Variants in SLC5A10 observed in about 807,000 individuals in gnomAD.
SLC5A10 encodes the protein sodium/mannose cotransporter SLC5A10.
In SLC5A10, 55 loss-of-function variants were observed where a neutral mutation model predicts 68.9. That is an observed-to-expected ratio of 0.80 (90% CI 0.64 to 1.00). The LOEUF (loss-of-function observed/expected upper bound fraction) is 1.00. Ranked by LOEUF, SLC5A10 falls within the 50% of genes least tolerant of loss-of-function variation. The pLI, the probability that SLC5A10 is intolerant of heterozygous loss-of-function variation, is 0.00. For synonymous variants in SLC5A10, 344 were observed against 344.8 expected, an observed-to-expected ratio of 1.00 and a Z score of 0.02; for missense variants, 732 against 819.3, an observed-to-expected ratio of 0.89 and a Z score of 1.30.
intron 1 of SLC5A10, 178 bp downstream of exon 1, chr17:18,952,494 G>T (rs2258367): frequency 3.0e-6 from 2 of 656,492 alleles, no homozygotes; most frequent in Non-Finnish European, 5.0e-6. Context: ...GACCAAGCCC[G>T]TTTCTCTCTT....
chr17:18,968,332 C>T lies in SLC5A10; in HGVS notation c.454-720C>T, dbSNP rs1280247172. On this transcript the variant is annotated intron_variant, in intron 5 of 14. Transcript: ENST00000395645. This position sits in a 1 kb window ranked among gnomAD's most constrained non-coding sequence, Gnocchi z 4.1. ...TGAAGCCTGTTACTAGCCCATGTCC[C>T]AGAGAACAGGGTCCTGCCCTTCCTC... Among the ~76,000 whole-genome samples, 2 of 152,314 alleles carry T rather than the reference C, an allele frequency of 1.3e-5. No homozygotes were observed. The highest frequency in any genetic ancestry group is 3.4e-3 in the Middle Eastern group (1 of 294).
At chr17:18,970,969 C>T (rs2042826475) in intron 7 of SLC5A10, 44 bp from the exon 8 acceptor site, 4 of 1,586,562 alleles carry the variant, frequency 2.5e-6, no homozygotes, top group Non-Finnish European at 3.5e-6. Flanking sequence ...GAGTCAGGGC[C>T]CCGCAACCAC....
In SLC5A10 at chr17:19,015,072, G is replaced by A. The variant is rs2044106563; in HGVS notation, c.1114G>A (p.Val372Met). The A allele has an allele frequency of 1.2e-6, 2 of 1,613,972 alleles. No homozygotes were observed. Among genetic ancestry groups the A allele is most frequent in the East Asian group, 2.2e-5 (1 of 44,880 alleles). The change falls in exon 11 of 15, where the codon GTG becomes ATG. Residue 372 changes from valine to methionine, a missense_variant. Transcript: ENST00000395645. ...PIGLRGLMIAVMLAALMSSLT... is the reference protein window; with the variant it reads ...PIGLRGLMIAMMLAALMSSLT... ...AGGTCTGCGGGGGCTGATGATCGCAGTGATGCTGGCGGCGCTCATGTCGTC... is the reference window on the plus strand; with the variant it reads ...AGGTCTGCGGGGGCTGATGATCGCAATGATGCTGGCGGCGCTCATGTCGTC...
chr17:18,997,289 A>G (rs1452043483), intron 9 of SLC5A10, among the ~76,000 whole-genome samples: 1 of 152,242 alleles, frequency 6.6e-6, no homozygotes, highest in Non-Finnish European at 1.5e-5. Flanking sequence ...GCTCAGGAAT[A>G]CTGCAAAGAC....
intron 9 of SLC5A10, among the ~76,000 whole-genome samples, chr17:18,983,454 T>C (rs1567794835): frequency 6.6e-6 from 1 of 152,220 alleles, no homozygotes; most frequent in Non-Finnish European, 1.5e-5. Context: ...CCCCTGCCCA[T>C]AGTGGGATGG....
Position 18,979,570 on chromosome 17 carries a change from C to A in SLC5A10, c.982+2581C>A. ...TCACCTGTAGGAGCCGCACACAGCC[C>A]GGTCTCCATCCACAAACATGAACTT... On this transcript the variant is annotated intron_variant, in intron 9 of 14. Coordinates refer to ENST00000395645, the MANE Select transcript of SLC5A10 (RefSeq NM_001042450.4). 3 of 1,613,446 alleles carry A rather than the reference C, an allele frequency of 1.9e-6. No homozygotes were observed. The East Asian group carries it at 6.7e-5, about 36-fold the overall frequency.
intron 9 of SLC5A10, among the ~76,000 whole-genome samples, chr17:19,002,522 T>C (rs1168908199): frequency 6.6e-6 from 1 of 152,226 alleles, no homozygotes; most frequent in Non-Finnish European, 1.5e-5. Context: ...ACTGGAAGTA[T>C]AAAGGGATTA....
chr17:18,967,423 T>C (rs1350452343), intron 5 of SLC5A10, among the ~76,000 whole-genome samples: 1 of 152,170 alleles, frequency 6.6e-6, no homozygotes, highest in Non-Finnish European at 1.5e-5. Context: ...ACGGCTGTGT[T>C]TTGAAACATG....
intron 9 of SLC5A10, among the ~76,000 whole-genome samples, chr17:18,994,559 AGGCTGAGCAGAGAACCACCGGAAAGGGGT>A (rs1388903088): frequency 2.0e-5 from 3 of 152,098 alleles, no homozygotes; most frequent in Non-Finnish European, 2.9e-5. Context: ...TGGAAAGGGG[AGGCTGAGCAGAGAACCACCGGAAAGGGGT>A]GGCTGGAACA....
At chr17:18,980,682 C>T (rs573070390) in intron 9 of SLC5A10, among the ~76,000 whole-genome samples, 3 of 152,200 alleles carry the variant, frequency 2.0e-5, no homozygotes, top group East Asian at 1.9e-4. Flanking sequence ...AAGGACAGGG[C>T]GAGCCTGGCT....
At chr17:19,010,441 C>G (rs2043989704) in intron 9 of SLC5A10, among the ~76,000 whole-genome samples, 1 of 152,118 alleles carries the variant, frequency 6.6e-6, no homozygotes, top group South Asian at 2.1e-4. Context: ...CTCACTGCCC[C>G]CAGCTCTGCC....
chr17:19,007,759 A>C (rs934768389), intron 9 of SLC5A10, among the ~76,000 whole-genome samples: 2 of 152,198 alleles, frequency 1.3e-5, no homozygotes, highest in African/African-American at 4.8e-5. Flanking sequence ...CTAAAGTTTT[A>C]AATGTTGATG....
rs1448757453 is a variant in SLC5A10 at position 19,022,430 on chromosome 17, C to T, written c.*1999C>T. 5.6e-6 allele frequency: 2 copies of T among 354,680 alleles called. No individual in the cohort carries two copies. The highest frequency in any genetic ancestry group is 4.2e-5 in the African/African-American group (2 of 47,812). 22.0% of individuals were successfully genotyped at this position (354,680 alleles called of 1,614,324 possible). A position where few individuals can be genotyped will look rare whatever the true frequency, so the allele number is the denominator to read the frequency against. The stretch of plus-strand genomic sequence containing the variant: ...GGGTCAGGGGACCTGAGTCCTGGTC[C>T]TTAGGGTGGGATTTTGGTTAGGTCC... On this transcript the variant is annotated 3_prime_UTR_variant, in exon 15 of 15. Transcript: ENST00000395645.
At chr17:18,988,225 G>C (rs748798892) in intron 9 of SLC5A10, 143 of 1,601,164 alleles carry the variant, frequency 8.9e-5, no homozygotes, top group Non-Finnish European at 1.2e-5. Context: ...CAGCCACCCA[G>C]GCAAGTGAGG....
intron 9 of SLC5A10, among the ~76,000 whole-genome samples, chr17:18,990,207 C>T (rs958607651): frequency 1.3e-5 from 2 of 152,160 alleles, no homozygotes; most frequent in African/African-American, 2.4e-5. Context: ...GGAGCTCACT[C>T]CCTGACCTAG....
intron 1 of SLC5A10, 141 bp downstream of exon 1, chr17:18,952,457 C>A (rs1420150241): frequency 2.9e-6 from 3 of 1,041,626 alleles, no homozygotes; most frequent in Non-Finnish European, 4.1e-6. Flanking sequence ...CTCCTCCCAG[C>A]CTGGGGTAGA....
intron 1 of SLC5A10, among the ~76,000 whole-genome samples, chr17:18,955,085 C>CAAAAAAAA (rs398041580): frequency 8.4e-6 from 1 of 118,826 alleles, no homozygotes; most frequent in Non-Finnish European, 1.7e-5. Context: ...AACACTGTAT[C>CAAAAAAAA]AAAAAAAAAA....
At chr17:19,010,103 G>A (rs28463694) in intron 9 of SLC5A10, among the ~76,000 whole-genome samples, 16,666 of 152,080 alleles carry the variant, frequency 0.11, 959 homozygotes, top group South Asian at 0.15. Context: ...GTGATACCCC[G>A]GCAGCGGCTG....
At position 19,003,645 on chromosome 17, in the gene SLC5A10, G is replaced by T. The variant is rs763540091; in HGVS notation, c.983-9765G>T. Reference sequence around the variant, plus strand: ...TAGGCGATGGTGTCGGGCCAGCCCAGGTCCAGCTGCGGGATGGAGCGGTCC... The same window carrying T: ...TAGGCGATGGTGTCGGGCCAGCCCATGTCCAGCTGCGGGATGGAGCGGTCC... On this transcript the variant is annotated intron_variant, in intron 9 of 14. Coordinates refer to ENST00000395645, the MANE Select transcript of SLC5A10 (RefSeq NM_001042450.4). This position sits in a 1 kb window ranked among gnomAD's most constrained non-coding sequence, Gnocchi z 4.5. 6.2e-7 allele frequency: 1 copy of T among 1,612,416 alleles called. No homozygotes were observed. Among genetic ancestry groups the T allele is most frequent in the Non-Finnish European group, 8.5e-7 (1 of 1,179,612 alleles).
Sources: gnomAD v4.1 joint callset for allele counts (sites outside exome capture counted in the v4.1 genomes callset) on GRCh38, gnomAD v4.1.1 for gene constraint, Gnocchi (gnomAD v3.1) non-coding constraint, MANE v1.5 for transcripts, NCBI Gene and HGNC (gene_info 2026-07-23, HGNC 2026-07-21) for gene names.